Variants in SULT2B1 observed in about 807,000 individuals in gnomAD.
SULT2B1 encodes the protein sulfotransferase family 2B member 1, also known as sulfotransferase 2B1.
A neutral mutation model predicts 33.2 loss-of-function variants in SULT2B1; 16 were observed. The observed-to-expected ratio is 0.48, with a 90% CI of 0.33 to 0.73. The LOEUF is 0.73. SULT2B1 is among the 30% of genes least tolerant of loss of function. The pLI is 0.02. For missense variants in SULT2B1, 500 were observed against 506.0 expected, an observed-to-expected ratio of 0.99 and a Z score of 0.11; for synonymous variants, 186 against 200.5, an observed-to-expected ratio of 0.93 and a Z score of 0.61.
At chr19:48,590,968 G>A (rs1205017881) in intron 3 of SULT2B1, 1 of 152,154 alleles carries the variant, frequency 6.6e-6, no homozygotes, top group Non-Finnish European at 1.5e-5. Context: ...CGAGTAGCTG[G>A]GACCACGGGC....
At chr19:48,581,019 A>C in intron 2 of SULT2B1, among the ~76,000 whole-genome samples, 1 of 137,940 alleles carries the variant, frequency 7.2e-6, no homozygotes, top group East Asian at 2.1e-4. Flanking sequence ...ATTAGCCATC[A>C]TATATATTCC....
At chr19:48,568,173 TGA>T (rs1244928809) in intron 1 of SULT2B1, among the ~76,000 whole-genome samples, 2 of 150,064 alleles carry the variant, frequency 1.3e-5, no homozygotes, top group Non-Finnish European at 3.0e-5. Flanking sequence ...CTGGGGAAAC[TGA>T]GGTGGGAGGA....
intron 5 of SULT2B1, among the ~76,000 whole-genome samples, chr19:48,595,081 G>A (rs151214114): frequency 6.6e-6 from 1 of 151,764 alleles, no homozygotes; most frequent in East Asian, 1.9e-4. Flanking sequence ...GTGGGAGTTC[G>A]AGACTACCCT....
chr19:48,556,101 C>T (rs1490351083), intron 1 of SULT2B1, among the ~76,000 whole-genome samples: 3 of 152,180 alleles, frequency 2.0e-5, no homozygotes, highest in East Asian at 1.9e-4. Flanking sequence ...CGTGCACCAG[C>T]GCAGTGTCCT....
At chr19:48,588,741 C>A (rs996652497) in intron 3 of SULT2B1, among the ~76,000 whole-genome samples, 24 of 151,448 alleles carry the variant, frequency 1.6e-4, no homozygotes, top group Non-Finnish European at 3.2e-4. Flanking sequence ...TCAAGGGGGC[C>A]CCCAGTGAGT....
At chr19:48,561,064 G>A (rs974139690) in intron 1 of SULT2B1, among the ~76,000 whole-genome samples, 4 of 151,702 alleles carry the variant, frequency 2.6e-5, no homozygotes, top group East Asian at 1.9e-4. Context: ...CCCAGGAGAC[G>A]GAGGTTGCTG....
At chr19:48,581,890 ATATTATTATTATTAT>A (rs71335807) in intron 2 of SULT2B1, among the ~76,000 whole-genome samples, 1 of 137,736 alleles carries the variant, frequency 7.3e-6, no homozygotes, top group African/African-American at 2.7e-5. Flanking sequence ...TATTATTATT[ATATTATTATTATTAT>A]TATTATTATT....
chr19:48,585,695 G>T (rs529992226), intron 2 of SULT2B1, among the ~76,000 whole-genome samples: 228 of 151,970 alleles, frequency 1.5e-3, no homozygotes, highest in Non-Finnish European at 2.3e-3. Context: ...GGGGGTAGGG[G>T]GGAGGGATAG....
intron 3 of SULT2B1, among the ~76,000 whole-genome samples, chr19:48,590,892 G>A (rs954295417): frequency 3.3e-5 from 5 of 151,952 alleles, no homozygotes; most frequent in African/African-American, 1.2e-4. Flanking sequence ...GGAGTGCAGT[G>A]GTGTGATCAC....
At chr19:48,584,068 C>A (rs972712012) in intron 2 of SULT2B1, among the ~76,000 whole-genome samples, 2 of 152,104 alleles carry the variant, frequency 1.3e-5, no homozygotes, top group Non-Finnish European at 2.9e-5. Context: ...GCTGAGATCG[C>A]GCCACTGCAC....
At chr19:48,583,373 C>T (rs916259832) in intron 2 of SULT2B1, among the ~76,000 whole-genome samples, 8 of 152,152 alleles carry the variant, frequency 5.3e-5, no homozygotes, top group African/African-American at 1.9e-4. Flanking sequence ...TAGGTGGGGG[C>T]ACTCTGACAG....
intron 1 of SULT2B1, among the ~76,000 whole-genome samples, chr19:48,564,492 C>T (rs1033752659): frequency 7.7e-6 from 1 of 129,782 alleles, no homozygotes; most frequent in East Asian, 2.4e-4. Flanking sequence ...GGCAAGGTTG[C>T]AGTGAGCCGA....
chr19:48,559,987 AAAG>A (rs974375550), intron 1 of SULT2B1, among the ~76,000 whole-genome samples: 10 of 152,162 alleles, frequency 6.6e-5, no homozygotes, highest in African/African-American at 2.4e-4. Flanking sequence ...ATTAAAAAGA[AAAG>A]AAGAATGCCC....
intron 2 of SULT2B1, among the ~76,000 whole-genome samples, chr19:48,578,631 G>C (rs1033947963): frequency 1.3e-5 from 2 of 151,722 alleles, no homozygotes; most frequent in African/African-American, 4.8e-5. Context: ...AATCCCAGCA[G>C]TTTGGGAGGC....
intron 2 of SULT2B1, among the ~76,000 whole-genome samples, chr19:48,580,981 T>C (rs1973478320): frequency 1.3e-5 from 2 of 150,918 alleles, no homozygotes; most frequent in African/African-American, 4.9e-5. Flanking sequence ...TAACAGCTAA[T>C]GGTGTTTGAG....
In SULT2B1 at chr19:48,552,840, C is replaced by T. The variant is rs1374846330; in HGVS notation, c.71+517C>T. On this transcript the variant is annotated intron_variant, in intron 1 of 6. Transcript: ENST00000201586. This position sits in a 1 kb window ranked among gnomAD's most constrained non-coding sequence, Gnocchi z 4.8. The stretch of plus-strand genomic sequence containing the variant: ...AGGGCAGGCTCTGGACTCTTCAGGT[C>T]TCCTAACAGTGGTTAGGGCAGAGCA... 6.6e-6 allele frequency among the ~76,000 whole-genome samples: 1 copy of T among 152,128 alleles called. No individual in the cohort carries two copies. Among genetic ancestry groups the T allele is most frequent in the Non-Finnish European group, 1.5e-5 (1 of 68,018 alleles).
At chr19:48,594,094 G>T (rs1973680328) in intron 5 of SULT2B1, among the ~76,000 whole-genome samples, 1 of 151,404 alleles carries the variant, frequency 6.6e-6, no homozygotes, top group Non-Finnish European at 1.5e-5. Flanking sequence ...CCCCGTCTCT[G>T]CTAAAAATAC....
chr19:48,584,410 T>C (rs2665582), intron 2 of SULT2B1, among the ~76,000 whole-genome samples: 142,442 of 152,250 alleles, frequency 0.94, 66,814 homozygotes, highest in African/African-American at 0.98. Flanking sequence ...TAAGAGGAGC[T>C]CGTGAGAATC....
At chr19:48,573,289 C>T (rs1481916456) in intron 1 of SULT2B1, among the ~76,000 whole-genome samples, 1 of 152,084 alleles carries the variant, frequency 6.6e-6, no homozygotes, top group South Asian at 2.1e-4. Flanking sequence ...TGTCTGCTGT[C>T]CCTGTCCCTG....
Sources: allele counts gnomAD v4.1 joint callset (sites outside exome capture counted in the v4.1 genomes callset), GRCh38; gene constraint gnomAD v4.1.1; non-coding constraint Gnocchi (gnomAD v3.1); transcripts MANE v1.5; gene names NCBI Gene and HGNC (gene_info 2026-07-23, HGNC 2026-07-21).